Variants in UBR4 observed in about 807,000 individuals in gnomAD.
The protein encoded by UBR4 is ubiquitin protein ligase E3 component n-recognin 4.
A neutral mutation model predicts 575.6 loss-of-function variants in UBR4; 124 were observed. The observed-to-expected ratio is 0.22, with a 90% CI of 0.19 to 0.25. UBR4 has a LOEUF of 0.25. Among genes scored for constraint, UBR4 ranks in the 10% least tolerant of loss-of-function variants. The pLI is 1.00. For missense variants in UBR4, 4,818 were observed against 6,478.8 expected (o/e 0.74, Z 8.80); for synonymous variants, 2,455 against 2,473.7 (o/e 0.99, Z 0.22).
chr1:19,104,009 G>C, intron 87 of UBR4, 75 bp downstream of exon 87: 1 of 1,539,342 alleles, frequency 6.5e-7, no homozygotes, highest in Non-Finnish European at 8.8e-7. Flanking sequence ...TGGAACTGGG[G>C]GAAATTGGTC....
At chr1:19,168,348 C>T (rs2088867175) in intron 27 of UBR4, among the ~76,000 whole-genome samples, 164 bp from the exon 28 acceptor site, 1 of 152,116 alleles carries the variant, frequency 6.6e-6, no homozygotes, top group East Asian at 1.9e-4. Flanking sequence ...AAGTGGGGTA[C>T]AGAAAAGGAA....
rs113961639 is a variant in UBR4 at position 19,184,020 on chromosome 1, G to A, written c.2094C>T (p.Leu698=). The part of the protein sequence containing the change: ...SIIKEVDKDG[L]KGSSDEEFAA... ...GCACATATCTTGTCTACTGACCCTT[G>A]AGTCCATCTTTGTCCACCTCCTTGA... The change falls in exon 16 of 106, where the codon CTC becomes CTT. Residue 698 remains leucine (L), a synonymous_variant. Transcript: ENST00000375254. 6.2e-7 allele frequency: 1 copy of A among 1,614,118 alleles called. No individual in the cohort carries two copies. Among genetic ancestry groups the A allele is most frequent in the Admixed American group, 1.7e-5 (1 of 60,012 alleles).
At position 19,210,173 on chromosome 1, in the gene UBR4, T is replaced by C. The variant is rs756121092; in HGVS notation, c.76A>G (p.Thr26Ala). 1.4e-4 allele frequency: 220 copies of C among 1,532,674 alleles called. 1 individual carries two copies. The highest frequency in any genetic ancestry group is 1.5e-4 in the Non-Finnish European group (173 of 1,145,064). 94.9% of individuals were successfully genotyped at this position (1,532,674 alleles called of 1,614,324 possible). A position where few individuals can be genotyped will look rare whatever the true frequency, so the allele number is the denominator to read the frequency against. ...PGTPATGADT[T>A]PGWEVAVRPL... ...CGCACAGCCACCTCCCAGCCCGGGG[T>C]CGTGTCCGCCCCCGTTGCCGGGGTC... The change falls in exon 1 of 106, where the codon ACC (threonine) becomes GCC (alanine). Residue 26 changes from threonine to alanine, a missense_variant. Around this residue, in one of 29 missense-constraint regions of UBR4, gnomAD observed 95 missense variants for 87.7 expected, o/e 1.08. Transcript: ENST00000375254.
Position 19,112,535 on chromosome 1 carries a change from G to A in UBR4, c.11790C>T (p.Cys3930=). The change falls in exon 78 of 106, where the codon TGC becomes TGT. Residue 3930 remains cysteine, a synonymous_variant. Coordinates refer to ENST00000375254, the MANE Select transcript of UBR4 (RefSeq NM_020765.3). ...GTGTAGGTACTGACCGAGTTAGGAG[G>A]CACATGAGCTGGCGGACCTCCTCCC... The part of the protein sequence containing the change: ...AMREEVRQLM[C]LLTRDNPEAT... The A allele has an allele frequency of 6.2e-7, 1 of 1,610,766 alleles. No individual in the cohort carries two copies. The highest frequency in any genetic ancestry group is 8.5e-7 in the Non-Finnish European group (1 of 1,178,142).
chr1:19,074,989 C>T (rs1260137076), intron 105 of UBR4, 93 bp from the exon 106 acceptor site: 75 of 1,371,986 alleles, frequency 5.5e-5, no homozygotes, highest in South Asian at 3.7e-4. Context: ...AGAGAACACA[C>T]TGCGGTCCGA....
intron 87 of UBR4, among the ~76,000 whole-genome samples, chr1:19,102,076 G>A (rs939502453): frequency 1.2e-4 from 18 of 152,012 alleles, no homozygotes; most frequent in African/African-American, 4.3e-4. Flanking sequence ...CTCTATAAGC[G>A]AAAAAACACA....
Position 19,094,089 on chromosome 1 carries a change from G to A in UBR4, c.13797C>T (p.Asp4599=). ...AGCGAACAAAGGTGCTGTTGATCTG[G>A]TCCAAGAGCATCACCAGTTGATCCT... The part of the protein sequence containing the change: ...GDKDQLVMLL[D]QINSTFVRSN... The change falls in exon 95 of 106, where the codon GAC becomes GAT. Residue 4599 remains aspartate, a synonymous_variant. Coordinates refer to ENST00000375254, the MANE Select transcript of UBR4 (RefSeq NM_020765.3). 4 of 1,614,022 alleles carry A rather than the reference G, an allele frequency of 2.5e-6. No individual in the cohort carries two copies. The highest frequency in any genetic ancestry group is 3.4e-6 in the Non-Finnish European group (4 of 1,180,000).
chr1:19,181,220 C>T (rs778459724), intron 17 of UBR4, among the ~76,000 whole-genome samples: 8 of 151,876 alleles, frequency 5.3e-5, no homozygotes, highest in South Asian at 2.1e-4. Flanking sequence ...GGAAGACGGA[C>T]GGATGGAAGG....
At chr1:19,123,222 T>C (rs1371644276) in intron 65 of UBR4, among the ~76,000 whole-genome samples, 162 bp from the exon 66 acceptor site, 1 of 151,972 alleles carries the variant, frequency 6.6e-6, no homozygotes, top group Admixed American at 6.6e-5. Context: ...AATGCCGAGG[T>C]GGGCTGATCA....
chr1:19,093,016 T>C lies in UBR4; in HGVS notation c.14112-98A>G, dbSNP rs964369905. 1 of 1,122,338 alleles carries C rather than the reference T, an allele frequency of 8.9e-7. No homozygotes were observed. The highest frequency in any genetic ancestry group is 2.1e-5 in the Admixed American group (1 of 47,900). The allele number at this position is 1,122,338 out of a possible 1,614,324, so 69.5% of individuals were successfully genotyped here. A position where few individuals can be genotyped will look rare whatever the true frequency, so the allele number is the denominator to read the frequency against. On this transcript the variant is annotated intron_variant, in intron 96 of 105. Transcript: ENST00000375254. This position sits in a 1 kb window ranked among gnomAD's most constrained non-coding sequence, Gnocchi z 4.8. ...GCTTGTTTAAACCCCCAGGGCATGA[T>C]TAACCGTGACCCTCTCCGAGTGTCA...
chr1:19,116,621 G>A (rs2080564663), intron 73 of UBR4, among the ~76,000 whole-genome samples: 1 of 152,164 alleles, frequency 6.6e-6, no homozygotes, highest in Admixed American at 6.5e-5. Context: ...ATGCCTGAGA[G>A]TTCAAAAAAA....
At chr1:19,120,004 G>A (rs987617574) in intron 69 of UBR4, among the ~76,000 whole-genome samples, 176 bp downstream of exon 69, 1 of 152,136 alleles carries the variant, frequency 6.6e-6, no homozygotes, top group Non-Finnish European at 1.5e-5. Context: ...TGCCTATGAC[G>A]TCAGTTTAAT....
intron 64 of UBR4, 121 bp from the exon 65 acceptor site, chr1:19,124,811 GC>G: frequency 2.3e-6 from 3 of 1,313,222 alleles, no homozygotes; most frequent in Non-Finnish European, 2.1e-6. Context: ...GCCTTTCAGA[GC>G]TGGAATCAAG....
At position 19,095,635 on chromosome 1, in the gene UBR4, G is replaced by T; in HGVS notation, c.13536C>A (p.Phe4512Leu). ...RHLLTVLLKL[F>L]SYCVKVKVNR... ...TGACTTTCACCTTCACGCAGTAACTGAACAATTTCAGTAGCACCTGACAAG... is the reference window on the plus strand; with the variant it reads ...TGACTTTCACCTTCACGCAGTAACTTAACAATTTCAGTAGCACCTGACAAG... Residue 4512 changes from phenylalanine (F) to leucine (L), a missense_variant, in exon 93 of 106, where the codon TTC (phenylalanine) becomes TTA (leucine). Physicochemically the swap from Phe to Leu is conservative, Grantham distance 22 (BLOSUM62 0). Transcript: ENST00000375254. 6.2e-7 allele frequency: 1 copy of T among 1,613,986 alleles called. No homozygotes were observed. Among genetic ancestry groups the T allele is most frequent in the South Asian group, 1.1e-5 (1 of 91,040 alleles).
chr1:19,138,193 T>C lies in UBR4; in HGVS notation c.8732-12A>G, dbSNP rs780270596. On this transcript the variant is annotated splice_polypyrimidine_tract_variant and intron_variant, in intron 59 of 105. Transcript: ENST00000375254. ...GCTCCGGCCAGATACTAGAGGGAAA[T>C]GGTTTAAAAAGCACAAATCAACTCC... 2.0e-6 allele frequency: 3 copies of C among 1,483,410 alleles called. No individual in the cohort carries two copies. Among genetic ancestry groups the C allele is most frequent in the East Asian group, 4.9e-5 (2 of 40,410 alleles). The allele number at this position is 1,483,410 out of a possible 1,614,324, so 91.9% of individuals were successfully genotyped here.
intron 29 of UBR4, among the ~76,000 whole-genome samples, chr1:19,166,813 G>C (rs1338031001): frequency 6.6e-6 from 1 of 150,416 alleles, no homozygotes; most frequent in African/African-American, 2.5e-5. Context: ...GGCTAAGGTA[G>C]GAGGATTGCT....
At chr1:19,097,571 T>C (rs1291666784) in intron 90 of UBR4, among the ~76,000 whole-genome samples, 2 of 152,284 alleles carry the variant, frequency 1.3e-5, no homozygotes, top group East Asian at 3.8e-4. Flanking sequence ...ATTTATTGAA[T>C]GTTTTACTCT....
rs74056771 is a variant in UBR4 at position 19,165,646 on chromosome 1, C to T, written c.4211+10G>A. 3,039 of 1,611,572 alleles carry T rather than the reference C, an allele frequency of 1.9e-3. 48 individuals carry two copies. In the African/African-American group the frequency reaches 0.036, roughly 19 times the overall value. Reference sequence around the variant, plus strand: ...AAAATATTCACTGAATAAAGCAAAACACGGCTCACCTGTCAGAGAAAAACT... The same window carrying T: ...AAAATATTCACTGAATAAAGCAAAATACGGCTCACCTGTCAGAGAAAAACT... On this transcript the variant is annotated intron_variant, in intron 30 of 105. Transcript: ENST00000375254.
chr1:19,190,312 A>AAAAAAAAAAAAAATATATATAT, intron 11 of UBR4, among the ~76,000 whole-genome samples: 13 of 79,910 alleles, frequency 1.6e-4, no homozygotes, highest in Admixed American at 3.6e-4. Flanking sequence ...AAAAAAAAAA[A>AAAAAAAAAAAAAATATATATAT]ATATATATAT....
Sources: allele counts gnomAD v4.1 joint callset (sites outside exome capture counted in the v4.1 genomes callset), GRCh38; gene constraint gnomAD v4.1.1; regional missense constraint gnomAD v4.1.1; non-coding constraint Gnocchi (gnomAD v3.1); transcripts MANE v1.5; gene names NCBI Gene and HGNC (gene_info 2026-07-23, HGNC 2026-07-21).